Variants in WWOX observed in about 807,000 individuals in gnomAD.
WWOX encodes the protein WW domain-containing oxidoreductase.
In WWOX, 69 loss-of-function variants were observed where a neutral mutation model predicts 46.2. The ratio of observed to expected loss-of-function variants is 1.49; its 90% CI spans 1.23 to 1.82. The LOEUF is 1.82. Among genes scored for constraint, WWOX ranks in the 40% most tolerant of loss-of-function variants. The pLI, the probability that WWOX is intolerant of heterozygous loss-of-function variation, is 0.00. For missense variants in WWOX, 919 were observed against 542.6 expected, an observed-to-expected ratio of 1.69 and a Z score of -6.89; for synonymous variants, 359 against 202.6, an observed-to-expected ratio of 1.77 and a Z score of -6.56.
At chr16:78,841,787 T>A (rs907615240) in intron 8 of WWOX, among the ~76,000 whole-genome samples, 79 of 152,302 alleles carry the variant, frequency 5.2e-4, no homozygotes, top group Non-Finnish European at 6.6e-4. Flanking sequence ...TTAAAAAAAA[T>A]TTATGACATA....
At chr16:78,591,132 C>T (rs868719129) in intron 8 of WWOX, among the ~76,000 whole-genome samples, 2 of 152,080 alleles carry the variant, frequency 1.3e-5, no homozygotes, top group South Asian at 2.1e-4. Flanking sequence ...TCAGCTTTTC[C>T]CTCAGTTTCA....
At chr16:78,891,624 A>C (rs1006972224) in intron 8 of WWOX, 5 of 152,334 alleles carry the variant, frequency 3.3e-5, no homozygotes, top group South Asian at 2.1e-4. Flanking sequence ...AGTTACTGCA[A>C]CTTTTTCAAG....
intron 8 of WWOX, among the ~76,000 whole-genome samples, chr16:78,854,068 C>T (rs1047373158): frequency 1.3e-5 from 2 of 152,104 alleles, no homozygotes; most frequent in East Asian, 1.9e-4. Context: ...TGCTATATTT[C>T]TTTCTATATT....
chr16:78,604,333 C>G (rs1406793238), intron 8 of WWOX, among the ~76,000 whole-genome samples: 2 of 152,098 alleles, frequency 1.3e-5, no homozygotes, highest in African/African-American at 4.8e-5. Context: ...TTCTCTAGCC[C>G]TCATGAATGC....
chr16:78,498,181 G>C (rs1378220468), intron 8 of WWOX, among the ~76,000 whole-genome samples: 2 of 134,102 alleles, frequency 1.5e-5, no homozygotes, highest in African/African-American at 5.5e-5. Flanking sequence ...CTCCAGCCTG[G>C]GCAACAGAGC....
At chr16:78,884,211 T>C (rs535842739) in intron 8 of WWOX, among the ~76,000 whole-genome samples, 8 of 139,692 alleles carry the variant, frequency 5.7e-5, no homozygotes, top group Non-Finnish European at 9.0e-5. Context: ...AGGTCAAGGC[T>C]ACAGTGAGCT....
intron 8 of WWOX, among the ~76,000 whole-genome samples, chr16:78,568,343 C>T (rs1282423906): frequency 6.6e-6 from 1 of 151,980 alleles, no homozygotes; most frequent in African/African-American, 2.4e-5. Flanking sequence ...GAAGAAAAAT[C>T]CACCCAGTGC....
At chr16:78,488,661 G>A (rs181267765) in intron 8 of WWOX, among the ~76,000 whole-genome samples, 4 of 152,184 alleles carry the variant, frequency 2.6e-5, no homozygotes, top group African/African-American at 7.2e-5. Context: ...ATCTGAGACA[G>A]TGGCTGTAGG....
chr16:78,418,970 G>C lies in WWOX; in HGVS notation c.606-5900G>C, dbSNP rs558140367. On this transcript the variant is annotated intron_variant, in intron 6 of 8. Transcript: ENST00000566780. Reference sequence around the variant, plus strand: ...TTGGGCAAAAAACAAAAAAGCAAAAGAATGGAAAAAAAAGATCCAGATTGA... The same window carrying C: ...TTGGGCAAAAAACAAAAAAGCAAAACAATGGAAAAAAAAGATCCAGATTGA... Among the ~76,000 whole-genome samples, 97 of 151,652 alleles carry C rather than the reference G, an allele frequency of 6.4e-4. 2 individuals are homozygous for C. In the South Asian group the frequency reaches 0.02, roughly 31 times the overall value.
chr16:78,734,619 C>T (rs761958226), intron 8 of WWOX, among the ~76,000 whole-genome samples: 55 of 151,906 alleles, frequency 3.6e-4, no homozygotes, highest in Non-Finnish European at 6.9e-4. Flanking sequence ...GATTAGGTCC[C>T]AGTCACAGGG....
At chr16:78,834,342 T>C (rs981628725) in intron 8 of WWOX, among the ~76,000 whole-genome samples, 1 of 152,190 alleles carries the variant, frequency 6.6e-6, no homozygotes, top group Non-Finnish European at 1.5e-5. Context: ...ATTTATAAAG[T>C]GAGCTACGGG....
At chr16:78,955,168 T>A (rs1347731615) in intron 8 of WWOX, among the ~76,000 whole-genome samples, 1 of 152,166 alleles carries the variant, frequency 6.6e-6, no homozygotes, top group African/African-American at 2.4e-5. Flanking sequence ...TAGGGTCACC[T>A]GGAGGAGAGA....
chr16:78,196,917 G>T (rs375431119), intron 5 of WWOX, among the ~76,000 whole-genome samples: 1 of 152,228 alleles, frequency 6.6e-6, no homozygotes, highest in Non-Finnish European at 1.5e-5. Context: ...AGCATTTTAA[G>T]TGAAGACAAA....
intron 8 of WWOX, among the ~76,000 whole-genome samples, chr16:78,998,165 T>C (rs1197909664): frequency 6.6e-6 from 1 of 152,036 alleles, no homozygotes; most frequent in Non-Finnish European, 1.5e-5. Flanking sequence ...GCATGAGCCA[T>C]CGCGCCCGGC....
intron 8 of WWOX, among the ~76,000 whole-genome samples, chr16:79,028,134 A>C (rs1287423846): frequency 1.3e-5 from 2 of 151,714 alleles, no homozygotes; most frequent in Non-Finnish European, 2.9e-5. Flanking sequence ...TATTTTCAGC[A>C]GAGACGGGGT....
chr16:78,425,882 T>G (rs1360106334), intron 7 of WWOX, among the ~76,000 whole-genome samples: 1 of 152,152 alleles, frequency 6.6e-6, no homozygotes, highest in Non-Finnish European at 1.5e-5. Flanking sequence ...TTCCTCCTTC[T>G]TCTCCGTCTT....
At chr16:78,944,434 A>G (rs1238784952) in intron 8 of WWOX, among the ~76,000 whole-genome samples, 1 of 152,170 alleles carries the variant, frequency 6.6e-6, no homozygotes, top group East Asian at 1.9e-4. Context: ...TAAACAGGTG[A>G]TGGGGGCAAA....
At chr16:78,245,206 C>T (rs1042365980) in intron 5 of WWOX, among the ~76,000 whole-genome samples, 6 of 152,174 alleles carry the variant, frequency 3.9e-5, no homozygotes, top group African/African-American at 7.2e-5. Context: ...TTGTTCTAGA[C>T]GGTCCTGAAC....
intron 8 of WWOX, among the ~76,000 whole-genome samples, chr16:78,559,135 G>C (rs557692442): frequency 3.0e-4 from 46 of 152,314 alleles, no homozygotes; most frequent in African/African-American, 1.0e-3. Context: ...AGATAGAGCT[G>C]ACCTTCCCAG....
Sources: allele counts gnomAD v4.1 joint callset (sites outside exome capture counted in the v4.1 genomes callset), GRCh38; gene constraint gnomAD v4.1.1; transcripts MANE v1.5; gene names NCBI Gene and HGNC (gene_info 2026-07-23, HGNC 2026-07-21).